Variants in GPM6B observed in about 807,000 individuals in gnomAD.
The protein encoded by GPM6B is neuronal membrane glycoprotein M6-b.
In GPM6B, 4 loss-of-function variants were observed where a neutral mutation model predicts 27.2. That is an observed-to-expected ratio of 0.15 (90% CI 0.07 to 0.34). The LOEUF (loss-of-function observed/expected upper bound fraction) is 0.34, where lower values mean the gene tolerates loss of function less well. Among genes scored for constraint, GPM6B ranks in the 10% least tolerant of loss-of-function variants. GPM6B has a pLI of 1.00. For missense variants in GPM6B, 183 were observed against 261.9 expected (o/e 0.70, Z 2.08); for synonymous variants, 124 against 103.1 (o/e 1.20, Z -1.23).
intron 1 of GPM6B, among the ~76,000 whole-genome samples, chrX:13,849,622 A>C (rs2049690740): frequency 8.9e-6 from 1 of 112,543 alleles, no homozygotes; most frequent in Non-Finnish European, 1.9e-5. Flanking sequence ...GGAGTTGCTA[A>C]AGTCATCAGC....
chrX:13,885,599 G>A (rs2050127115), intron 1 of GPM6B, among the ~76,000 whole-genome samples: 1 of 111,875 alleles, frequency 8.9e-6, no homozygotes, highest in Non-Finnish European at 1.9e-5. Context: ...ATCTTCAGAG[G>A]CTGGTGGAGG....
chrX:13,811,550 T>G (rs1421638958), intron 1 of GPM6B, among the ~76,000 whole-genome samples: 1 of 112,428 alleles, frequency 8.9e-6, no homozygotes, highest in Non-Finnish European at 1.9e-5. Flanking sequence ...CCATCTGTTT[T>G]TATTTATAAG....
intron 5 of GPM6B, among the ~76,000 whole-genome samples, chrX:13,778,779 A>G (rs2048462376): frequency 8.9e-6 from 1 of 111,811 alleles, no homozygotes; most frequent in African/African-American, 3.3e-5. Context: ...ATATTCATTT[A>G]CAAATAACTT....
chrX:13,876,948 T>C (rs2050039422), intron 1 of GPM6B, among the ~76,000 whole-genome samples: 1 of 111,304 alleles, frequency 9.0e-6, no homozygotes, highest in African/African-American at 3.3e-5. Flanking sequence ...GGCAGGGCTG[T>C]AGTTCATGCA....
At chrX:13,805,413 C>G (rs1165089076) in intron 2 of GPM6B, among the ~76,000 whole-genome samples, 1 of 112,300 alleles carries the variant, frequency 8.9e-6, no homozygotes, top group Non-Finnish European at 1.9e-5. Context: ...TAGTCTTGGG[C>G]TCTCCAGAAA....
intron 1 of GPM6B, among the ~76,000 whole-genome samples, chrX:13,853,590 C>CA (rs66531403): frequency 0.29 from 11,155 of 38,361 alleles, 1,638 homozygotes; most frequent in East Asian, 0.75. Flanking sequence ...GACACCACCT[C>CA]AAAAAAAAAA....
intron 1 of GPM6B, among the ~76,000 whole-genome samples, chrX:13,812,052 T>C (rs188072855): frequency 0.024 from 2,113 of 89,235 alleles, 81 homozygotes; most frequent in African/African-American, 0.082. Context: ...TTCTTTCTTT[T>C]TTTTTTTTTT....
In GPM6B at chrX:13,785,726, C is replaced by G; in HGVS notation, c.264G>C (p.Val88=). 3 of 1,211,473 alleles carry G rather than the reference C, an allele frequency of 2.5e-6. No individual in the cohort carries two copies. Among genetic ancestry groups the G allele is most frequent in the Non-Finnish European group, 3.4e-6 (3 of 895,043 alleles). ...LVATILCFSG[V]ALFCGCGHVA... is the part of the protein sequence containing the mutation. ...CATGCCCACAGCCGCAGAATAAGGC[C>G]ACCCCGGAGAAGCAGAGGATGGTGG... Residue 88 remains valine, a synonymous_variant, in exon 3 of 8, where the codon GTG becomes GTC. Coordinates refer to ENST00000316715, the MANE Select transcript of GPM6B (RefSeq NM_001001995.3).
chrX:13,801,039 A>T (rs1041722517), intron 2 of GPM6B, among the ~76,000 whole-genome samples: 11 of 94,427 alleles, frequency 1.2e-4, no homozygotes, highest in Non-Finnish European at 2.3e-4. Context: ...CCTCATACTT[A>T]AAAAAAAAAA....
At chrX:13,849,324 T>C (rs1202953389) in intron 1 of GPM6B, among the ~76,000 whole-genome samples, 1 of 112,541 alleles carries the variant, frequency 8.9e-6, no homozygotes, top group Non-Finnish European at 1.9e-5. Flanking sequence ...AGGCATTTTC[T>C]TACCACTTTA....
intron 1 of GPM6B, among the ~76,000 whole-genome samples, chrX:13,926,181 A>C (rs1388345251): frequency 1.8e-5 from 2 of 109,338 alleles, no homozygotes; most frequent in East Asian, 5.7e-4. Context: ...AGGCAGGCAG[A>C]GCACGAGGTC....
intron 2 of GPM6B, among the ~76,000 whole-genome samples, chrX:13,802,809 A>G (rs1475973238): frequency 9.0e-6 from 1 of 111,713 alleles, no homozygotes; most frequent in East Asian, 2.8e-4. Context: ...ACTGGAAGGC[A>G]TCAGACAGAC....
chrX:13,820,789 T>C (rs761458848), upstream of GPM6B, among the ~76,000 whole-genome samples: 3 of 111,769 alleles, frequency 2.7e-5, no homozygotes, highest in Non-Finnish European at 5.6e-5. Context: ...CTCCACTGTA[T>C]TCTAAGAGCT....
chrX:13,918,938 T>G (rs1318694857), intron 1 of GPM6B, among the ~76,000 whole-genome samples: 27 of 112,007 alleles, frequency 2.4e-4, no homozygotes, highest in Non-Finnish European at 3.8e-5. Flanking sequence ...CATTTCCATA[T>G]GAGATTTGGG....
chrX:13,818,388 A>G (rs17311084), upstream of GPM6B, among the ~76,000 whole-genome samples: 5,184 of 110,651 alleles, frequency 0.047, 141 homozygotes, highest in East Asian at 0.15. Flanking sequence ...TTCTTGCTCA[A>G]CTCCTTGAAA....
At chrX:13,813,405 C>T (rs1405978108) in intron 1 of GPM6B, among the ~76,000 whole-genome samples, 1 of 111,455 alleles carries the variant, frequency 9.0e-6, no homozygotes, top group African/African-American at 3.3e-5. Context: ...TTAAATTACA[C>T]ATTGTTTCCC....
intron 7 of GPM6B, among the ~76,000 whole-genome samples, chrX:13,774,906 G>A (rs752439961): frequency 1.8e-5 from 2 of 112,105 alleles, no homozygotes; most frequent in African/African-American, 6.5e-5. Context: ...AGCATGAGAA[G>A]GATGAAGCTA....
chrX:13,801,813 G>T (rs752102287), intron 2 of GPM6B, among the ~76,000 whole-genome samples: 1 of 111,513 alleles, frequency 9.0e-6, no homozygotes, highest in South Asian at 3.8e-4. Context: ...CTGGTCCTTG[G>T]GGGTGAAAGC....
At chrX:13,862,820 G>A (rs1422087222) in intron 1 of GPM6B, among the ~76,000 whole-genome samples, 2 of 109,709 alleles carry the variant, frequency 1.8e-5, no homozygotes, top group Admixed American at 9.7e-5. Context: ...CCCAGTAGCT[G>A]GGACTACAGG....
Sources: gnomAD v4.1 joint callset for allele counts (sites outside exome capture counted in the v4.1 genomes callset) on GRCh38, gnomAD v4.1.1 for gene constraint, MANE v1.5 for transcripts, NCBI Gene and HGNC (gene_info 2026-07-23, HGNC 2026-07-21) for gene names.